The following CNTNAP2 variants were observed in gnomAD, a reference collection of about 807,000 sequenced individuals.
CNTNAP2 encodes the protein contactin-associated protein-like 2.
In CNTNAP2, 98 loss-of-function variants were observed where a neutral mutation model predicts 155.2. That is an observed-to-expected ratio of 0.63 (90% CI 0.54 to 0.75). The LOEUF is 0.75. Among genes scored for constraint, CNTNAP2 ranks in the 30% least tolerant of loss-of-function variants. The pLI, the probability that CNTNAP2 is intolerant of heterozygous loss-of-function variation, is 0.00. For synonymous variants in CNTNAP2, 651 were observed against 631.2 expected (o/e 1.03, Z -0.47); for missense variants, 1,727 against 1,688.1 (o/e 1.02, Z -0.40).
chr7:147,004,838 G>A (rs1798496075), intron 3 of CNTNAP2, among the ~76,000 whole-genome samples: 1 of 151,962 alleles, frequency 6.6e-6, no homozygotes, highest in African/African-American at 2.4e-5. Context: ...TTTTGCTTGT[G>A]TTAAAACGAA....
intron 13 of CNTNAP2, among the ~76,000 whole-genome samples, chr7:147,742,857 C>T (rs149856147): frequency 2.6e-5 from 4 of 152,146 alleles, no homozygotes; most frequent in Non-Finnish European, 5.9e-5. Context: ...GGCTTTAATA[C>T]AAGAATGAAT....
intron 14 of CNTNAP2, among the ~76,000 whole-genome samples, chr7:147,968,960 C>A (rs1347957187): frequency 6.6e-6 from 1 of 152,152 alleles, no homozygotes; most frequent in Non-Finnish European, 1.5e-5. Flanking sequence ...CTGAAGAAAG[C>A]AGAAACAAGG....
At chr7:147,734,842 T>G (rs1584927434) in intron 13 of CNTNAP2, among the ~76,000 whole-genome samples, 1 of 152,358 alleles carries the variant, frequency 6.6e-6, no homozygotes, top group East Asian at 1.9e-4. Flanking sequence ...AGTTTGTATT[T>G]CTGTGGGATC....
At chr7:146,723,249 G>A (rs1408462061) in intron 1 of CNTNAP2, among the ~76,000 whole-genome samples, 1 of 152,066 alleles carries the variant, frequency 6.6e-6, no homozygotes, top group African/African-American at 2.4e-5. Context: ...GAGTGCTGCA[G>A]CCACGAGACA....
At chr7:146,719,116 T>C (rs182751484) in intron 1 of CNTNAP2, among the ~76,000 whole-genome samples, 1 of 152,338 alleles carries the variant, frequency 6.6e-6, no homozygotes, top group East Asian at 1.9e-4. Flanking sequence ...CCACCCAATG[T>C]TGATGCAATA....
At chr7:146,944,173 TA>T (rs1797109599) in intron 3 of CNTNAP2, among the ~76,000 whole-genome samples, 1 of 151,256 alleles carries the variant, frequency 6.6e-6, no homozygotes, top group Non-Finnish European at 1.5e-5. Context: ...CTGACATGGC[TA>T]TTTTTTTCTT....
chr7:147,396,616 A>G (rs957616807), intron 10 of CNTNAP2, among the ~76,000 whole-genome samples: 3 of 152,088 alleles, frequency 2.0e-5, no homozygotes. Flanking sequence ...GTGAAATATT[A>G]TGATTATACT....
intron 10 of CNTNAP2, among the ~76,000 whole-genome samples, chr7:147,413,120 G>A (rs533853601): frequency 2.0e-5 from 3 of 152,236 alleles, no homozygotes; most frequent in East Asian, 3.9e-4. Flanking sequence ...TGCATACATC[G>A]GAAAAGAGTT....
At chr7:146,867,654 CT>C (rs1384864199) in intron 3 of CNTNAP2, among the ~76,000 whole-genome samples, 1 of 152,016 alleles carries the variant, frequency 6.6e-6, no homozygotes, top group Non-Finnish European at 1.5e-5. Flanking sequence ...TAAGTGTTTC[CT>C]TTTCTTCACA....
chr7:147,585,032 T>G (rs1027805003), intron 12 of CNTNAP2, among the ~76,000 whole-genome samples: 2 of 152,150 alleles, frequency 1.3e-5, no homozygotes, highest in Non-Finnish European at 2.9e-5. Flanking sequence ...CACATCAGTC[T>G]CTGAGTCTCT....
intron 11 of CNTNAP2, among the ~76,000 whole-genome samples, chr7:147,546,269 A>G (rs1377950318): frequency 6.6e-6 from 1 of 152,320 alleles, no homozygotes; most frequent in African/African-American, 2.4e-5. Flanking sequence ...AATGTGTGCA[A>G]TTGCATATTT....
At chr7:147,202,739 T>C (rs1443973628) in intron 8 of CNTNAP2, among the ~76,000 whole-genome samples, 1 of 151,580 alleles carries the variant, frequency 6.6e-6, no homozygotes, top group African/African-American at 2.4e-5. Context: ...TAGGTGGGAG[T>C]TGAACAATGA....
In CNTNAP2 at chr7:147,811,799, A is replaced by G. The variant is rs1425160456; in HGVS notation, c.2099-91766A>G. ...TTTTGATATCCTTAATGTAAAAAAA[A>G]TTCTTGATTCTTTTTCTCATTCATT... On this transcript the variant is annotated intron_variant, in intron 13 of 23. Coordinates refer to ENST00000361727, the MANE Select transcript of CNTNAP2 (RefSeq NM_014141.6). Among the ~76,000 whole-genome samples, 6 of 152,174 alleles carry G rather than the reference A, an allele frequency of 3.9e-5. No homozygotes were observed. In the East Asian group the frequency reaches 1.2e-3, roughly 29 times the overall value.
intron 4 of CNTNAP2, among the ~76,000 whole-genome samples, chr7:147,073,214 A>T (rs1253838006): frequency 7.0e-6 from 1 of 143,738 alleles, no homozygotes; most frequent in Admixed American, 6.7e-5. Context: ...TATATTCCAC[A>T]AAATACTATG....
intron 1 of CNTNAP2, among the ~76,000 whole-genome samples, chr7:146,299,201 G>A (rs1800563758): frequency 6.6e-6 from 1 of 152,104 alleles, no homozygotes; most frequent in African/African-American, 2.4e-5. Flanking sequence ...AACCCAGGAG[G>A]TGGAGGTTGC....
At chr7:147,359,492 C>T (rs1239473583) in intron 9 of CNTNAP2, among the ~76,000 whole-genome samples, 4 of 152,120 alleles carry the variant, frequency 2.6e-5, no homozygotes, top group African/African-American at 7.2e-5. Context: ...TCCTTATGAC[C>T]TTTCAATGCT....
intron 3 of CNTNAP2, among the ~76,000 whole-genome samples, chr7:146,906,637 C>G (rs1239129919): frequency 6.6e-6 from 1 of 151,922 alleles, no homozygotes; most frequent in South Asian, 2.1e-4. Context: ...ACATCCACAC[C>G]GAAAACCCAT....
chr7:146,523,173 G>C (rs1429773946), intron 1 of CNTNAP2, among the ~76,000 whole-genome samples: 1 of 151,912 alleles, frequency 6.6e-6, no homozygotes, highest in Non-Finnish European at 1.5e-5. Context: ...AGTCCCCAAA[G>C]TCCATTGGTT....
At chr7:147,815,544 TC>T (rs1406483041) in intron 13 of CNTNAP2, among the ~76,000 whole-genome samples, 1 of 152,188 alleles carries the variant, frequency 6.6e-6, no homozygotes, top group Non-Finnish European at 1.5e-5. Context: ...TTCTTCTGCT[TC>T]AAGCCAGAGA....
Sources: allele counts gnomAD v4.1 joint callset (sites outside exome capture counted in the v4.1 genomes callset), GRCh38; gene constraint gnomAD v4.1.1; transcripts MANE v1.5; gene names NCBI Gene and HGNC (gene_info 2026-07-23, HGNC 2026-07-21).